Variants in THAP9 observed in about 807,000 individuals in gnomAD.
THAP9 encodes the protein DNA transposase THAP9.
Under a neutral mutation model 35.7 loss-of-function variants are expected in THAP9, and 20 were observed. The observed-to-expected ratio is 0.56, with a 90% CI of 0.39 to 0.81. THAP9 has a LOEUF of 0.81. THAP9 is among the 40% of genes least tolerant of loss of function. THAP9 has a pLI of 0.00. For synonymous variants in THAP9, 335 were observed against 373.7 expected (o/e 0.90, Z 1.19); for missense variants, 870 against 1,047.4 (o/e 0.83, Z 2.34).
Position 82,918,234 on chromosome 4 carries a change from TCAA to T in THAP9, c.2024_2026del (p.Gln675del). 1 of 1,614,186 alleles carries T rather than the reference TCAA, an allele frequency of 6.2e-7. No individual in the cohort carries two copies. The highest frequency in any genetic ancestry group is 1.1e-5 in the South Asian group (1 of 91,086). On this transcript the variant is annotated inframe_deletion, in exon 5 of 5. Transcript: ENST00000302236. ...GGAAAGACTTGGCGCTTTGGACAGT[TCAA>T]CGTCAGTATGGTGTCAGCGTTACAA...
intron 4 of THAP9, chr4:82,913,582 AT>A (rs1464785330): frequency 1.7e-5 from 2 of 116,632 alleles, no homozygotes; most frequent in African/African-American, 5.1e-5. Flanking sequence ...AAATCTTGTA[AT>A]TTTAGGTTCA....
At position 82,918,541 on chromosome 4, in the gene THAP9, C is replaced by A; in HGVS notation, c.2329C>A (p.Arg777=). 6.2e-7 allele frequency: 1 copy of A among 1,614,028 alleles called. No individual in the cohort carries two copies. The highest frequency in any genetic ancestry group is 1.1e-5 in the South Asian group (1 of 91,068). ...GTGTCGGGTCATAAATATTTGTGAG[C>A]GAGTTGTAAGAACCCATTCAAGAAT... ...SLCRVINICE[R]VVRTHSRMAI... is the part of the protein sequence containing the mutation. The change falls in exon 5 of 5, where the codon CGA becomes AGA. Residue 777 remains arginine, a synonymous_variant. Transcript: ENST00000302236.
rs772625717 is a variant in THAP9 at position 82,910,706 on chromosome 4, G to T, written c.731+2771G>T. 172 of 604,508 alleles carry T rather than the reference G, an allele frequency of 2.8e-4. No individual in the cohort carries two copies. The African/African-American group carries it at 2.9e-3, about 10-fold the overall frequency. The allele number at this position is 604,508 out of a possible 1,614,324, so 37.4% of individuals were successfully genotyped here. A position where few individuals can be genotyped will look rare whatever the true frequency, so the allele number is the denominator to read the frequency against. ...AATATTTATTGATCAGGAGCGGCCA[G>T]TGAGGCAGGAGGAAAACCAGGAGAT... On this transcript the variant is annotated intron_variant, in intron 4 of 4. Coordinates refer to ENST00000302236, the MANE Select transcript of THAP9 (RefSeq NM_024672.6).
chr4:82,918,098 C>A lies in THAP9; in HGVS notation c.1886C>A (p.Pro629His). ...LRQVLVTSSSPTCMAFQKAYY... is the reference protein window; with the variant it reads ...LRQVLVTSSSHTCMAFQKAYY... ...CAGGTATTAGTAACAAGTTCTAGCCCTACCTGCATGGCATTCCAGAAAGCT... is the reference window on the plus strand; with the variant it reads ...CAGGTATTAGTAACAAGTTCTAGCCATACCTGCATGGCATTCCAGAAAGCT... The change falls in exon 5 of 5, where the codon CCT (proline) becomes CAT (histidine). Residue 629 changes from proline (P) to histidine (H), a missense_variant. This residue lies in a region of THAP9 where 414 missense variants were observed against 500.8 expected (regional missense o/e 0.83). Coordinates refer to ENST00000302236, the MANE Select transcript of THAP9 (RefSeq NM_024672.6). The A allele has an allele frequency of 3.7e-6, 6 of 1,613,992 alleles. No homozygotes were observed. The highest frequency in any genetic ancestry group is 5.1e-6 in the Non-Finnish European group (6 of 1,180,002).
chr4:82,906,336 G>A lies in THAP9; in HGVS notation c.289G>A (p.Val97Ile). The A allele has an allele frequency of 6.3e-7, 1 of 1,592,044 alleles. No homozygotes were observed. Among genetic ancestry groups the A allele is most frequent in the Non-Finnish European group, 8.5e-7 (1 of 1,169,606 alleles). The change falls in exon 3 of 5, where the codon GTA (valine) becomes ATA (isoleucine). Residue 97 changes from valine to isoleucine, a missense_variant. By Grantham distance (29) the Val-to-Ile change is conservative (BLOSUM62 3). This residue lies in a region of THAP9 where 440 missense variants were observed against 501.2 expected (regional missense o/e 0.88). Coordinates refer to ENST00000302236, the MANE Select transcript of THAP9 (RefSeq NM_024672.6). ...SVSLYKIPQGVHLKGKARQKI... is the reference protein window; with the variant it reads ...SVSLYKIPQGIHLKGKARQKI... ...ATATCTGTCATAGATTCCTCAAGGT[G>A]TACATCTTAAAGGTAAAGCAAGACA...
chr4:82,909,203 C>T (rs1399987692), intron 4 of THAP9, among the ~76,000 whole-genome samples: 1 of 152,154 alleles, frequency 6.6e-6, no homozygotes. Flanking sequence ...CTGTGCCCAG[C>T]CCAGATTCCT....
intron 1 of THAP9, among the ~76,000 whole-genome samples, chr4:82,904,058 C>CTTTTTTTTTTTTTT (rs59655406): frequency 8.5e-5 from 7 of 82,210 alleles, no homozygotes; most frequent in African/African-American, 9.3e-5. Context: ...TAGGCTCCCC[C>CTTTTTTTTTTTTTT]TTTTTTTTTT....
At position 82,917,953 on chromosome 4, in the gene THAP9, G is replaced by A; in HGVS notation, c.1741G>A (p.Ala581Thr). 2 of 1,613,960 alleles carry A rather than the reference G, an allele frequency of 1.2e-6. No homozygotes were observed. Residue 581 changes from alanine (A) to threonine (T), a missense_variant, in exon 5 of 5, where the codon GCT (alanine) becomes ACT (threonine). Ala to Thr is a moderately conservative substitution (Grantham distance 58). Transcript: ENST00000302236. ...AGGATTCCTGGGATTTTTGCTCAAT[G>A]CTGAGAGCTTAAAATGGCTCTACCA... ...KLGFLGFLLN[A>T]ESLKWLYQNY...
intron 1 of THAP9, chr4:82,903,453 C>G (rs1417924078): frequency 6.6e-6 from 1 of 152,196 alleles, no homozygotes. Flanking sequence ...AACTCCTGAC[C>G]TCAAGTGATC....
chr4:82,910,656 CATT>C (rs1240665566), intron 4 of THAP9: 3 of 524,218 alleles, frequency 5.7e-6, no homozygotes, highest in African/African-American at 3.9e-5. Context: ...TCTTTATAAT[CATT>C]ATATTTAATA....
intron 4 of THAP9, chr4:82,910,153 T>C (rs1720814004): frequency 1.3e-5 from 2 of 152,130 alleles, no homozygotes; most frequent in Non-Finnish European, 2.9e-5. Flanking sequence ...CCAGCGCACA[T>C]TTATCTTTTC....
rs1560693318 is a variant in THAP9, at chr4:82,906,421, A to C, written c.374A>C (p.Asn125Thr). Reference protein sequence around the residue: ...NSQEVATEDHNYSLKTPLTIG... With the variant: ...NSQEVATEDHTYSLKTPLTIG... ...CAAGAAGTTGCTACTGAGGACCATA[A>C]CTATAGTTTAAAGACACCTTTGACG... is the stretch of plus-strand genomic sequence containing the variant. The change falls in exon 3 of 5, where the codon AAC becomes ACC. Residue 125 changes from asparagine (N) to threonine (T), a missense_variant. Around this residue, in one of 3 missense-constraint regions of THAP9, gnomAD observed 440 missense variants for 501.2 expected, o/e 0.88. Coordinates refer to ENST00000302236, the MANE Select transcript of THAP9 (RefSeq NM_024672.6). 2 of 1,613,806 alleles carry C rather than the reference A, an allele frequency of 1.2e-6. No individual in the cohort carries two copies. The highest frequency in any genetic ancestry group is 1.7e-5 in the Admixed American group (1 of 60,022).
At chr4:82,913,409 A>G (rs1405531617) in intron 4 of THAP9, 1 of 152,246 alleles carries the variant, frequency 6.6e-6, no homozygotes, top group African/African-American at 2.4e-5. Flanking sequence ...CATATGCAAC[A>G]CAGTTAGCAT....
At chr4:82,909,184 C>A (rs1720772514) in intron 4 of THAP9, among the ~76,000 whole-genome samples, 1 of 152,136 alleles carries the variant, frequency 6.6e-6, no homozygotes, top group Non-Finnish European at 1.5e-5. Context: ...GGATTACAGA[C>A]ATGAGCCACT....
intron 4 of THAP9, among the ~76,000 whole-genome samples, chr4:82,912,991 G>C (rs28531938): frequency 0.32 from 48,393 of 151,870 alleles, 8,767 homozygotes; most frequent in East Asian, 0.52. Flanking sequence ...ATTATATCTA[G>C]GTATGTATAC....
At chr4:82,903,413 G>A (rs1233264379) in intron 1 of THAP9, 1 of 152,100 alleles carries the variant, frequency 6.6e-6, no homozygotes, top group African/African-American at 2.4e-5. Flanking sequence ...TTAGAGACAG[G>A]GTTTCACCAT....
intron 1 of THAP9, among the ~76,000 whole-genome samples, chr4:82,901,399 T>C (rs1323261786): frequency 6.6e-6 from 1 of 152,196 alleles, no homozygotes. Flanking sequence ...AGATCAGTCT[T>C]ATCTGAACTC....
At position 82,917,231 on chromosome 4, in the gene THAP9, T is replaced by C; in HGVS notation, c.1019T>C (p.Phe340Ser). Residue 340 changes from phenylalanine to serine, a missense_variant, in exon 5 of 5, where the codon TTT becomes TCT. This residue lies in a region of THAP9 where 440 missense variants were observed against 501.2 expected (regional missense o/e 0.88). Transcript: ENST00000302236. ...CATTGGAGAACACCTCTTGGTTATTTTTTTGTAAACAGAGCATCTGGATAT... is the reference window on the plus strand; with the variant it reads ...CATTGGAGAACACCTCTTGGTTATTCTTTTGTAAACAGAGCATCTGGATAT... ...FGHWRTPLGYFFVNRASGYLQ... is the reference protein window; with the variant it reads ...FGHWRTPLGYSFVNRASGYLQ... 3 of 1,614,160 alleles carry C rather than the reference T, an allele frequency of 1.9e-6. No homozygotes were observed. The highest frequency in any genetic ancestry group is 2.5e-6 in the Non-Finnish European group (3 of 1,180,018).
intron 1 of THAP9, among the ~76,000 whole-genome samples, chr4:82,904,513 A>C (rs1720563269): frequency 6.6e-6 from 1 of 152,208 alleles, no homozygotes; most frequent in Non-Finnish European, 1.5e-5. Context: ...TTAATATGGG[A>C]ATTGCCCCTC....
Sources: allele counts gnomAD v4.1 joint callset (sites outside exome capture counted in the v4.1 genomes callset), GRCh38; gene constraint gnomAD v4.1.1; regional missense constraint gnomAD v4.1.1; transcripts MANE v1.5; gene names NCBI Gene and HGNC (gene_info 2026-07-23, HGNC 2026-07-21).